RNFT2: variants seen among roughly 807,000 people sequenced by gnomAD.
RNFT2 encodes E3 ubiquitin-protein ligase RNFT2.
RNFT2 carries 36 observed loss-of-function variants against 53.0 expected under a neutral mutation model. The ratio of observed to expected loss-of-function variants is 0.68; its 90% CI spans 0.52 to 0.90. RNFT2 has a LOEUF of 0.90. Among genes scored for constraint, RNFT2 ranks in the 40% least tolerant of loss-of-function variants. The probability of loss-of-function intolerance (pLI) is 0.00; values close to 1 mark genes in which losing one functional copy is unlikely to be tolerated. For missense variants in RNFT2, 514 were observed against 585.6 expected (o/e 0.88, Z 1.26); for synonymous variants, 260 against 253.2 (o/e 1.03, Z -0.26).
intron 10 of RNFT2, among the ~76,000 whole-genome samples, chr12:116,842,388 C>A (rs1296501844): frequency 6.6e-6 from 1 of 152,086 alleles, no homozygotes; most frequent in Non-Finnish European, 1.5e-5. Context: ...CTGCCTCTCA[C>A]ATGCCCGAGG....
intron 3 of RNFT2, among the ~76,000 whole-genome samples, chr12:116,744,225 C>CAAAAA: frequency 1.0e-5 from 1 of 100,060 alleles, no homozygotes; most frequent in Non-Finnish European, 1.8e-5. Flanking sequence ...GACTCCTCCT[C>CAAAAA]AAAAAAAAAA....
intron 7 of RNFT2, among the ~76,000 whole-genome samples, chr12:116,790,656 A>G (rs1010811585): frequency 6.6e-6 from 1 of 152,220 alleles, no homozygotes; most frequent in Admixed American, 6.5e-5. Flanking sequence ...CAATTCACGT[A>G]ACATAAAATT....
rs149043452 is a variant in RNFT2 at position 116,821,802 on chromosome 12, C to CTTTTTTTTTTTTT, written c.883-11970_883-11958dup. Among the ~76,000 whole-genome samples the CTTTTTTTTTTTTT allele has an allele frequency of 3.9e-4, 17 of 43,930 alleles. 4 individuals are homozygous for CTTTTTTTTTTTTT. Among genetic ancestry groups the CTTTTTTTTTTTTT allele is most frequent in the African/African-American group, 1.7e-3 (17 of 9,774 alleles). The allele number at this position is 43,930 out of a possible 152,430, so 28.8% of individuals were successfully genotyped here. Reference sequence around the variant, plus strand: ...TCCTCCTTTTTCTGACTACTTGTTTCTTTTTTTTTTTTTTTTTTTTTTTTT... The same window carrying CTTTTTTTTTTTTT: ...TCCTCCTTTTTCTGACTACTTGTTTCTTTTTTTTTTTTTTTTTTTTTTTTTTTTTTTTTTTTTT... On this transcript the variant is annotated intron_variant, in intron 7 of 10. Coordinates refer to ENST00000257575, the MANE Select transcript of RNFT2 (RefSeq NM_001382266.1).
At chr12:116,800,569 G>T (rs1273000904) in intron 7 of RNFT2, among the ~76,000 whole-genome samples, 2 of 151,984 alleles carry the variant, frequency 1.3e-5, no homozygotes, top group Non-Finnish European at 2.9e-5. Context: ...AGAGGCGGGA[G>T]GTTGCAGTGA....
At chr12:116,755,046 C>G (rs868481514) in intron 5 of RNFT2, among the ~76,000 whole-genome samples, 9 of 152,318 alleles carry the variant, frequency 5.9e-5, no homozygotes, top group South Asian at 4.1e-4. Flanking sequence ...GGTTCTTGGT[C>G]ATGAAATCCT....
At chr12:116,780,456 G>A (rs1873642857) in intron 7 of RNFT2, among the ~76,000 whole-genome samples, 2 of 152,088 alleles carry the variant, frequency 1.3e-5, no homozygotes, top group Admixed American at 6.6e-5. Flanking sequence ...GATCTGATGG[G>A]AGGCGGAGCT....
chr12:116,829,827 C>T (rs1876544467), intron 7 of RNFT2, among the ~76,000 whole-genome samples: 1 of 152,150 alleles, frequency 6.6e-6, no homozygotes, highest in South Asian at 2.1e-4. Flanking sequence ...GAGATCTGTC[C>T]ACCTTGGCCT....
intron 10 of RNFT2, among the ~76,000 whole-genome samples, chr12:116,845,256 AAAAT>A (rs1279712528): frequency 9.7e-5 from 11 of 113,582 alleles, no homozygotes; most frequent in South Asian, 2.4e-4. Flanking sequence ...AAAAAAAAAA[AAAAT>A]ATATATATAT....
chr12:116,747,350 C>G (rs1871947539), intron 3 of RNFT2, among the ~76,000 whole-genome samples: 1 of 152,186 alleles, frequency 6.6e-6, no homozygotes, highest in African/African-American at 2.4e-5. Flanking sequence ...GCCACCATGG[C>G]TGGTCTTTTA....
In RNFT2 at chr12:116,851,884, C is replaced by G; in HGVS notation, c.*2436C>G. 1 of 1,536,046 alleles carries G rather than the reference C, an allele frequency of 6.5e-7. No homozygotes were observed. Among genetic ancestry groups the G allele is most frequent in the South Asian group, 1.2e-5 (1 of 84,042 alleles). On this transcript the variant is annotated 3_prime_UTR_variant, in exon 11 of 11. Transcript: ENST00000257575. ...TTCTCCTCTTCCTATTCTGTCATCT[C>G]CCTCACTTAAGTCTCAGGCCTGTCA...
Position 116,750,184 on chromosome 12 carries a change from G to T in RNFT2, c.427G>T (p.Asp143Tyr). Residue 143 changes from aspartate (D) to tyrosine (Y), a missense_variant, in exon 4 of 11, where the codon GAC (aspartate) becomes TAC (tyrosine). Physicochemically the swap from Asp to Tyr is radical, Grantham distance 160 (BLOSUM62 -3). Transcript: ENST00000257575. ...DHRGHSEEGG[D>Y]EQPGTPAPAL... ...CCGGGGGCACTCGGAGGAGGGAGGC[G>T]ACGAGCAGCCTGGGACGCCCGCCCC... 1 of 1,598,798 alleles carries T rather than the reference G, an allele frequency of 6.3e-7. No individual in the cohort carries two copies.
intron 5 of RNFT2, among the ~76,000 whole-genome samples, chr12:116,757,626 T>C (rs1872561153): frequency 6.6e-6 from 1 of 152,174 alleles, no homozygotes; most frequent in South Asian, 2.1e-4. Context: ...TGTGTTTGCA[T>C]GGTTTTGAAG....
intron 7 of RNFT2, among the ~76,000 whole-genome samples, chr12:116,788,689 T>C (rs567635616): frequency 3.7e-4 from 57 of 152,288 alleles, no homozygotes; most frequent in African/African-American, 1.3e-3. Flanking sequence ...CTGCTGTGTA[T>C]CCAGAAGTGT....
At chr12:116,844,026 C>G (rs1365858190) in intron 10 of RNFT2, among the ~76,000 whole-genome samples, 1 of 152,130 alleles carries the variant, frequency 6.6e-6, no homozygotes, top group African/African-American at 2.4e-5. Context: ...CAAAGTGTGG[C>G]CAGGGTACCC....
chr12:116,780,943 T>A (rs968852433), intron 7 of RNFT2, among the ~76,000 whole-genome samples: 16 of 152,132 alleles, frequency 1.1e-4, no homozygotes, highest in African/African-American at 3.9e-4. Flanking sequence ...TTTGGGCAGG[T>A]GACAAAAACC....
At chr12:116,794,462 G>A (rs921067395) in intron 7 of RNFT2, among the ~76,000 whole-genome samples, 19 of 151,294 alleles carry the variant, frequency 1.3e-4, no homozygotes, top group Non-Finnish European at 2.1e-4. Context: ...GTCAGGTGTG[G>A]TGGTGCACAC....
At chr12:116,821,806 T>A (rs1876047842) in intron 7 of RNFT2, among the ~76,000 whole-genome samples, 2 of 91,370 alleles carry the variant, frequency 2.2e-5, no homozygotes, top group Admixed American at 1.0e-4. Context: ...TTGTTTCTTT[T>A]TTTTTTTTTT....
intron 7 of RNFT2, among the ~76,000 whole-genome samples, chr12:116,821,856 G>A (rs1355222775): frequency 9.5e-5 from 10 of 105,426 alleles, no homozygotes; most frequent in East Asian, 3.4e-4. Flanking sequence ...TTACTCTGTC[G>A]CCCAGGCTGG....
chr12:116,810,398 G>C (rs1256906566), intron 7 of RNFT2, among the ~76,000 whole-genome samples: 1 of 152,196 alleles, frequency 6.6e-6, no homozygotes, highest in Non-Finnish European at 1.5e-5. Flanking sequence ...CGTTTTTCCA[G>C]ATAACTCCTG....
Sources: gnomAD v4.1 joint callset for allele counts (sites outside exome capture counted in the v4.1 genomes callset) on GRCh38, gnomAD v4.1.1 for gene constraint, MANE v1.5 for transcripts, NCBI Gene and HGNC (gene_info 2026-07-23, HGNC 2026-07-21) for gene names.